LARP4B: variants seen among roughly 807,000 people sequenced by gnomAD.
LARP4B encodes La ribonucleoprotein 4B.
A neutral mutation model predicts 89.8 loss-of-function variants in LARP4B; 12 were observed. That is an observed-to-expected ratio of 0.13 (90% CI 0.09 to 0.22). LARP4B has a LOEUF of 0.22. Ranked by LOEUF, LARP4B falls within the 10% of genes least tolerant of loss-of-function variation. LARP4B has a pLI of 1.00. For missense variants in LARP4B, 757 were observed against 947.7 expected, an observed-to-expected ratio of 0.80 and a Z score of 2.64; for synonymous variants, 367 against 363.3, an observed-to-expected ratio of 1.01 and a Z score of -0.12.
At position 815,008 on chromosome 10, in the gene LARP4B, C is replaced by T. The variant is rs747640656; in HGVS notation, c.1758G>A (p.Val586=). The change falls in exon 16 of 18, where the codon GTG becomes GTA. Residue 586 remains valine (V), a synonymous_variant. Transcript: ENST00000316157. Reference sequence around the variant, plus strand: ...TTGCTGATACAGCACAAGAAGCCGGCACCGAGGGCTCTCTGGAGACCACTA... The same window carrying T: ...TTGCTGATACAGCACAAGAAGCCGGTACCGAGGGCTCTCTGGAGACCACTA... ...LPVVVSREPS[V]PASCAVSATY... is the part of the protein sequence containing the mutation. 1.2e-6 allele frequency: 2 copies of T among 1,609,208 alleles called. No homozygotes were observed. Among genetic ancestry groups the T allele is most frequent in the Non-Finnish European group, 1.7e-6 (2 of 1,177,076 alleles).
At chr10:819,676 ATGC>A (rs1469000116) in intron 14 of LARP4B, 1 of 152,256 alleles carries the variant, frequency 6.6e-6, no homozygotes, top group Non-Finnish European at 1.5e-5. Context: ...CTGTGTTTAG[ATGC>A]TTGACTTGTT....
intron 1 of LARP4B, among the ~76,000 whole-genome samples, chr10:888,349 A>T (rs141721704): frequency 6.6e-6 from 1 of 151,010 alleles, no homozygotes; most frequent in African/African-American, 2.4e-5. Context: ...AAAAAAAAAA[A>T]ACACACACAC....
intron 7 of LARP4B, among the ~76,000 whole-genome samples, chr10:838,789 T>C (rs1377308177): frequency 6.6e-6 from 1 of 152,224 alleles, no homozygotes; most frequent in Non-Finnish European, 1.5e-5. Flanking sequence ...TAAAAAATTA[T>C]GTCCACACAA....
intron 6 of LARP4B, among the ~76,000 whole-genome samples, chr10:844,494 T>C (rs1381599558): frequency 6.6e-6 from 1 of 152,214 alleles, no homozygotes; most frequent in Non-Finnish European, 1.5e-5. Context: ...GTTGTTGTCA[T>C]ACTCAGAGAA....
At chr10:930,340 C>A (rs1370779536) in intron 1 of LARP4B, among the ~76,000 whole-genome samples, 3 of 152,186 alleles carry the variant, frequency 2.0e-5, no homozygotes, top group African/African-American at 7.2e-5. Context: ...CTCCACTGCC[C>A]TGTCAAGGAA....
intron 1 of LARP4B, among the ~76,000 whole-genome samples, chr10:907,633 A>T (rs1162273426): frequency 6.6e-6 from 1 of 152,180 alleles, no homozygotes; most frequent in African/African-American, 2.4e-5. Context: ...GAGATCGTGA[A>T]ATATATATAT....
chr10:866,338 T>C (rs1175388168), intron 3 of LARP4B, among the ~76,000 whole-genome samples: 1 of 152,264 alleles, frequency 6.6e-6, no homozygotes, highest in African/African-American at 2.4e-5. Flanking sequence ...TGCTTCTGCA[T>C]AGTGTTACTT....
At chr10:931,894 C>T (rs1286983816), upstream of LARP4B, among the ~76,000 whole-genome samples, 1 of 150,916 alleles carries the variant, frequency 6.6e-6, no homozygotes, top group African/African-American at 2.4e-5. Flanking sequence ...TTGGCCTCTC[C>T]GCGCGTACAC....
At chr10:876,990 T>C (rs1447994078) in intron 3 of LARP4B, among the ~76,000 whole-genome samples, 1 of 152,130 alleles carries the variant, frequency 6.6e-6, no homozygotes, top group Non-Finnish European at 1.5e-5. Flanking sequence ...AAGCCACCAC[T>C]GGGCCCACTC....
At chr10:862,070 A>T (rs1834639981) in intron 5 of LARP4B, among the ~76,000 whole-genome samples, 1 of 152,156 alleles carries the variant, frequency 6.6e-6, no homozygotes, top group Non-Finnish European at 1.5e-5. Flanking sequence ...ATCAAATTAC[A>T]TTGCTGAATA....
chr10:872,948 C>T (rs1418653234), intron 3 of LARP4B: 6 of 865,002 alleles, frequency 6.9e-6, no homozygotes, highest in African/African-American at 3.6e-5. Flanking sequence ...AATCCTTGTC[C>T]GCGCGCTAAC....
At chr10:912,556 T>C (rs1836696420) in intron 1 of LARP4B, among the ~76,000 whole-genome samples, 1 of 152,014 alleles carries the variant, frequency 6.6e-6, no homozygotes, top group African/African-American at 2.4e-5. Context: ...ACCACCTATC[T>C]AACCAGACTG....
At chr10:987,695 TCA>T in the LARP4B span, 1 of 152,260 alleles carries the variant, frequency 6.6e-6, no homozygotes, top group Non-Finnish European at 1.5e-5. Flanking sequence ...GCCACTCTAT[TCA>T]CAAACATAAA....
chr10:812,856 G>C lies in LARP4B; in HGVS notation c.*70C>G. On this transcript the variant is annotated 3_prime_UTR_variant, in exon 18 of 18. Coordinates refer to ENST00000316157, the MANE Select transcript of LARP4B (RefSeq NM_015155.3). The stretch of plus-strand genomic sequence containing the variant: ...AGCTCCTAACCAGCGGCTCGCCCTC[G>C]CACTGAGTGGGAGAGTGTCTCGTTT... 2 of 1,403,874 alleles carry C rather than the reference G, an allele frequency of 1.4e-6. No individual in the cohort carries two copies. The highest frequency in any genetic ancestry group is 1.9e-6 in the Non-Finnish European group (2 of 1,065,348). The allele number at this position is 1,403,874 out of a possible 1,614,324, so 87.0% of individuals were successfully genotyped here. A position where few individuals can be genotyped will look rare whatever the true frequency, so the allele number is the denominator to read the frequency against.
chr10:833,249 T>TAAAAAAAAAAAAAAAAAAA (rs56788542), intron 8 of LARP4B, among the ~76,000 whole-genome samples: 6 of 52,040 alleles, frequency 1.2e-4, no homozygotes, highest in Non-Finnish European at 1.3e-4. Context: ...TGATGAGCTT[T>TAAAAAAAAAAAAAAAAAAA]AAAAAAAAAA....
At chr10:871,020 G>A (rs1381606592) in intron 3 of LARP4B, among the ~76,000 whole-genome samples, 1 of 152,218 alleles carries the variant, frequency 6.6e-6, no homozygotes, top group Non-Finnish European at 1.5e-5. Context: ...AGTACATCCT[G>A]ACTTGGCACT....
intron 3 of LARP4B, 44 bp downstream of exon 3, chr10:884,403 G>C (rs377448805): frequency 8.0e-7 from 1 of 1,251,284 alleles, no homozygotes; most frequent in Non-Finnish European, 1.2e-6. Flanking sequence ...TCTGAGCCTT[G>C]ACTGTGATTA....
the LARP4B span, among the ~76,000 whole-genome samples, chr10:940,766 C>G: frequency 2.0e-5 from 3 of 152,006 alleles, no homozygotes; most frequent in Non-Finnish European, 2.9e-5. Flanking sequence ...TAGTCTCATC[C>G]TGGGGTGGCC....
chr10:840,832 G>C (rs1178115941), intron 7 of LARP4B, among the ~76,000 whole-genome samples: 1 of 152,186 alleles, frequency 6.6e-6, no homozygotes, highest in Non-Finnish European at 1.5e-5. Context: ...CTGAGTCTCT[G>C]CTAGGTAATT....
Sources: gnomAD v4.1 joint callset for allele counts (sites outside exome capture counted in the v4.1 genomes callset) on GRCh38, gnomAD v4.1.1 for gene constraint, MANE v1.5 for transcripts, NCBI Gene and HGNC (gene_info 2026-07-23, HGNC 2026-07-21) for gene names.